HELB: variants seen among roughly 807,000 people sequenced by gnomAD.
The protein encoded by HELB is DNA 5'-3' helicase B.
HELB carries 96 observed loss-of-function variants against 101.7 expected under a neutral mutation model. That is an observed-to-expected ratio of 0.94 (90% confidence interval 0.80 to 1.12). The LOEUF is 1.12. HELB is among the 50% of genes most tolerant of loss of function. The pLI is 0.00. For missense variants in HELB, 1,210 were observed against 1,291.9 expected (o/e 0.94, Z 0.97); for synonymous variants, 437 against 459.7 (o/e 0.95, Z 0.63).
chr12:66,323,925 A>T, intron 9 of HELB, 58 bp from the exon 10 acceptor site: 1 of 1,136,310 alleles, frequency 8.8e-7, no homozygotes, highest in Non-Finnish European at 1.3e-6. Flanking sequence ...TTAATGTTTG[A>T]ACAAGTGAAA....
chr12:66,321,765 T>A (rs2053673236), intron 7 of HELB, 183 bp from the exon 8 acceptor site: 2 of 489,230 alleles, frequency 4.1e-6, no homozygotes, highest in Admixed American at 7.4e-5. Context: ...TTCTTTCCAT[T>A]CTCTTTCCTA....
chr12:66,331,693 ACT>A (rs1565644631), intron 12 of HELB, 48 bp downstream of exon 12: 2 of 1,517,198 alleles, frequency 1.3e-6, no homozygotes, highest in Non-Finnish European at 1.8e-6. Flanking sequence ...AATATCGCTA[ACT>A]TCGGTGTGCT....
chr12:66,310,694 A>G lies in HELB; in HGVS notation c.1680+86A>G, dbSNP rs551310435. On this transcript the variant is annotated intron_variant, in intron 4 of 12. Transcript: ENST00000247815. ...CGCCTGTAATCCCAGAACTTTTGGG[A>G]GACTGAGGCGGGCAGATCACAAGGT... is the stretch of plus-strand genomic sequence containing the variant. 16 of 1,242,714 alleles carry G rather than the reference A, an allele frequency of 1.3e-5. No individual in the cohort carries two copies. In the South Asian group the frequency reaches 2.2e-4, roughly 17 times the overall value. The allele number at this position is 1,242,714 out of a possible 1,614,324, so 77.0% of individuals were successfully genotyped here. A position where few individuals can be genotyped will look rare whatever the true frequency, so the allele number is the denominator to read the frequency against.
At chr12:66,313,456 T>C (rs2053566071) in intron 4 of HELB, among the ~76,000 whole-genome samples, 1 of 152,176 alleles carries the variant, frequency 6.6e-6, no homozygotes. Context: ...TTACAACCAA[T>C]TTTTTTCTCA....
At chr12:66,308,108 A>G (rs887260702) in intron 3 of HELB, among the ~76,000 whole-genome samples, 1 of 150,922 alleles carries the variant, frequency 6.6e-6, no homozygotes, top group Non-Finnish European at 1.5e-5. Context: ...TGCCTTCTGG[A>G]TTAAGTGAAC....
At chr12:66,337,603 G>A (rs564615684) in intron 12 of HELB, among the ~76,000 whole-genome samples, 6 of 150,640 alleles carry the variant, frequency 4.0e-5, no homozygotes, top group Non-Finnish European at 7.4e-5. Flanking sequence ...AGTCCTCCAG[G>A]ACTCAGGCCC....
Position 66,302,776 on chromosome 12 carries a change from C to G in HELB, c.173C>G (p.Pro58Arg), listed in dbSNP as rs1191114536. Residue 58 changes from proline to arginine, a missense_variant, in exon 1 of 13, where the codon CCC becomes CGC. Pro to Arg is a moderately radical substitution (Grantham distance 103). Around this residue, in one of 2 missense-constraint regions of HELB, gnomAD observed 470 missense variants for 563.1 expected, o/e 0.83. Coordinates refer to ENST00000247815, the MANE Select transcript of HELB (RefSeq NM_001370285.1). Reference protein sequence around the residue: ...CSGGVKAGSLPGCLRVSICDE... With the variant: ...CSGGVKAGSLRGCLRVSICDE... ...GGGGGCGTAAAGGCTGGCAGCCTCC[C>G]CGGGTGCCTCCGCGGTGAGGAAGGC... The G allele has an allele frequency of 1.9e-6, 3 of 1,609,426 alleles. No individual in the cohort carries two copies. The highest frequency in any genetic ancestry group is 2.2e-5 in the South Asian group (2 of 90,748).
intron 4 of HELB, among the ~76,000 whole-genome samples, chr12:66,312,582 G>C (rs1466468705): frequency 6.6e-6 from 1 of 152,098 alleles, no homozygotes; most frequent in African/African-American, 2.4e-5. Context: ...AATTAGAAGG[G>C]GACACCCGAA....
intron 4 of HELB, among the ~76,000 whole-genome samples, chr12:66,312,191 AT>A (rs1320121344): frequency 6.6e-6 from 1 of 152,228 alleles, no homozygotes; most frequent in East Asian, 1.9e-4. Context: ...GATGTTAAAC[AT>A]TTTGCCTAAG....
rs1053841530 is a variant in HELB, at chr12:66,309,667, A to G, written c.778-39A>G. On this transcript the variant is annotated intron_variant, in intron 3 of 12. Coordinates refer to ENST00000247815, the MANE Select transcript of HELB (RefSeq NM_001370285.1). ...ATAAAGAACATATTCATAAACACTTATGATGTTTATAAACCAACCTGAACT... is the reference window on the plus strand; with the variant it reads ...ATAAAGAACATATTCATAAACACTTGTGATGTTTATAAACCAACCTGAACT... The G allele has an allele frequency of 2.3e-6, 3 of 1,333,068 alleles. No homozygotes were observed. In the African/African-American group the frequency reaches 4.4e-5, roughly 20 times the overall value. 82.6% of individuals were successfully genotyped at this position (1,333,068 alleles called of 1,614,324 possible).
Position 66,321,956 on chromosome 12 carries a change from T to C in HELB, c.2164T>C (p.Ser722Pro), listed in dbSNP as rs1414626495. Residue 722 changes from serine to proline, a missense_variant, in exon 8 of 13, where the codon TCT becomes CCT. Ser to Pro is a moderately conservative substitution (Grantham distance 74). This residue lies in a region of HELB where 740 missense variants were observed against 728.8 expected (regional missense o/e 1.02). Transcript: ENST00000247815. ...TTCTCTTGAATTATTAGGTTTATAT[T>C]CTGCAGTTAAAACTTTACTACAAGA... ...SKTNHHSCLY[S>P]AVKTLLQENN... The C allele has an allele frequency of 2.7e-6, 3 of 1,110,898 alleles. No individual in the cohort carries two copies. In the African/African-American group the frequency reaches 4.7e-5, roughly 17 times the overall value. The allele number at this position is 1,110,898 out of a possible 1,614,324, so 68.8% of individuals were successfully genotyped here. A position where few individuals can be genotyped will look rare whatever the true frequency, so the allele number is the denominator to read the frequency against.
chr12:66,307,698 C>T (rs2053492890), intron 3 of HELB, among the ~76,000 whole-genome samples: 1 of 151,828 alleles, frequency 6.6e-6, no homozygotes, highest in Admixed American at 6.6e-5. Flanking sequence ...GATCCTAGGG[C>T]CAGCCTTCTT....
At chr12:66,307,060 C>T (rs956484232) in intron 3 of HELB, among the ~76,000 whole-genome samples, 7 of 152,202 alleles carry the variant, frequency 4.6e-5, no homozygotes, top group African/African-American at 1.7e-4. Context: ...AAGGGGCACA[C>T]TGAGGCTCCA....
chr12:66,342,240 G>C (rs932052320), downstream of HELB: 29 of 152,150 alleles, frequency 1.9e-4, no homozygotes, highest in African/African-American at 6.3e-4. Flanking sequence ...CAATTGTTCA[G>C]CTCCATTTAT....
intron 3 of HELB, among the ~76,000 whole-genome samples, chr12:66,308,633 T>A (rs2053505859): frequency 6.6e-6 from 1 of 152,196 alleles, no homozygotes; most frequent in Non-Finnish European, 1.5e-5. Flanking sequence ...GCTTCTCTCC[T>A]TGGCTTGTAG....
At chr12:66,307,475 C>G (rs1380006397) in intron 3 of HELB, among the ~76,000 whole-genome samples, 1 of 152,102 alleles carries the variant, frequency 6.6e-6, no homozygotes, top group African/African-American at 2.4e-5. Context: ...GTTCACATTT[C>G]AAGAATAAAT....
At chr12:66,330,521 G>A (rs1366769194) in intron 11 of HELB, among the ~76,000 whole-genome samples, 1 of 149,678 alleles carries the variant, frequency 6.7e-6, no homozygotes, top group Non-Finnish European at 1.5e-5. Context: ...TTGCTATACA[G>A]TTTTGACCAT....
intron 11 of HELB, among the ~76,000 whole-genome samples, chr12:66,326,525 G>C (rs963370778): frequency 3.9e-5 from 6 of 151,994 alleles, no homozygotes; most frequent in African/African-American, 1.4e-4. Flanking sequence ...ACAGGCCTGA[G>C]CCACTGCACC....
rs1276510575 is a variant in HELB, at chr12:66,302,748, A to G, written c.145A>G (p.Ser49Gly). Residue 49 changes from serine (S) to glycine (G), a missense_variant, in exon 1 of 13, where the codon AGT (serine) becomes GGT (glycine). Ser to Gly is a moderately conservative substitution (Grantham distance 56). Around this residue, in one of 2 missense-constraint regions of HELB, gnomAD observed 470 missense variants for 563.1 expected, o/e 0.83. Coordinates refer to ENST00000247815, the MANE Select transcript of HELB (RefSeq NM_001370285.1). ...GTTCATCGACGCCGAGGAGCTCTGC[A>G]GTGGGGGCGTAAAGGCTGGCAGCCT... is the stretch of plus-strand genomic sequence containing the variant. ...SVFIDAEELC[S>G]GGVKAGSLPG... is the part of the protein sequence containing the mutation. 1.2e-6 allele frequency: 2 copies of G among 1,613,800 alleles called. No homozygotes were observed. Among genetic ancestry groups the G allele is most frequent in the Admixed American group, 3.3e-5 (2 of 60,006 alleles).
Sources: gnomAD v4.1 joint callset for allele counts (sites outside exome capture counted in the v4.1 genomes callset) on GRCh38, gnomAD v4.1.1 for gene constraint, gnomAD v4.1.1 regional missense constraint, MANE v1.5 for transcripts, NCBI Gene and HGNC (gene_info 2026-07-23, HGNC 2026-07-21) for gene names.